The following CCNE1 variants were observed in gnomAD, a reference collection of about 807,000 sequenced individuals.
The protein encoded by CCNE1 is cyclin E1, also known as G1/S-specific cyclin-E1.
CCNE1 carries 8 observed loss-of-function variants against 54.1 expected under a neutral mutation model. The ratio of observed to expected loss-of-function variants is 0.15; its 90% confidence interval spans 0.09 to 0.27. The LOEUF is 0.27. Ranked by LOEUF, CCNE1 falls within the 10% of genes least tolerant of loss-of-function variation. CCNE1 has a pLI of 1.00. For synonymous variants in CCNE1, 179 were observed against 185.2 expected, an observed-to-expected ratio of 0.97 and a Z score of 0.27; for missense variants, 430 against 514.9, an observed-to-expected ratio of 0.84 and a Z score of 1.60.
chr19:29,824,031 A>T lies in CCNE1; in HGVS notation c.*254A>T, dbSNP rs773867144. The T allele has an allele frequency of 2.6e-6, 1 of 381,638 alleles. No individual in the cohort carries two copies. The allele number at this position is 381,638 out of a possible 1,614,324, so 23.6% of individuals were successfully genotyped here. A position where few individuals can be genotyped will look rare whatever the true frequency, so the allele number is the denominator to read the frequency against. The stretch of plus-strand genomic sequence containing the variant: ...ACCAGTGCGTGCTCCCGATGCTGCT[A>T]TGGAAGGTGCTACTTGACCTAAGGG... On this transcript the variant is annotated 3_prime_UTR_variant, in exon 12 of 12. Coordinates refer to ENST00000262643, the MANE Select transcript of CCNE1 (RefSeq NM_001238.4).
At position 29,817,564 on chromosome 19, in the gene CCNE1, G is replaced by T. The variant is rs199616825; in HGVS notation, c.462+23G>T. 10 of 1,613,830 alleles carry T rather than the reference G, an allele frequency of 6.2e-6. No individual in the cohort carries two copies. In the Admixed American group the frequency reaches 1.7e-4, roughly 27 times the overall value. On this transcript the variant is annotated intron_variant, in intron 6 of 11. Coordinates refer to ENST00000262643, the MANE Select transcript of CCNE1 (RefSeq NM_001238.4). Reference sequence around the variant, plus strand: ...GAGGTGAGCTTGAGTCTTCCTGTTCGCTTCATGAAAGCACTGAGCATTTCC... The same window carrying T: ...GAGGTGAGCTTGAGTCTTCCTGTTCTCTTCATGAAAGCACTGAGCATTTCC...
Position 29,824,059 on chromosome 19 carries a change from T to A in CCNE1, c.*282T>A, listed in dbSNP as rs1974221631. On this transcript the variant is annotated 3_prime_UTR_variant, in exon 12 of 12. Transcript: ENST00000262643. The stretch of plus-strand genomic sequence containing the variant: ...GAAGGTGCTACTTGACCTAAGGGAC[T>A]CCCACAACAACAAAAGCTTGAAGCT... The A allele has an allele frequency of 3.1e-6, 1 of 322,314 alleles. No homozygotes were observed. The highest frequency in any genetic ancestry group is 2.1e-5 in the African/African-American group (1 of 47,620). The allele number at this position is 322,314 out of a possible 1,614,324, so 20.0% of individuals were successfully genotyped here.
At chr19:29,821,279 C>T (rs941065843) in intron 7 of CCNE1, among the ~76,000 whole-genome samples, 5 of 152,054 alleles carry the variant, frequency 3.3e-5, no homozygotes, top group Admixed American at 6.6e-5. Context: ...CCCAGCTATT[C>T]GGGAGGCTGA....
rs145715434 is a variant in CCNE1 at position 29,815,294 on chromosome 19, T to G, written c.181-1843T>G. Among the ~76,000 whole-genome samples the G allele has an allele frequency of 1.4e-3, 209 of 152,350 alleles. 1 individual carries two copies. In the East Asian group the frequency reaches 0.026, roughly 19 times the overall value. Reference sequence around the variant, plus strand: ...TGAATGAAGAACAACTTACAGCGGTTGTAATGTGACCCTTTTTGAGTTAAG... The same window carrying G: ...TGAATGAAGAACAACTTACAGCGGTGGTAATGTGACCCTTTTTGAGTTAAG... On this transcript the variant is annotated intron_variant, in intron 4 of 11. Transcript: ENST00000262643.
At chr19:29,817,632 G>T (rs1372034289) in intron 6 of CCNE1, 91 bp downstream of exon 6, 2 of 1,347,286 alleles carry the variant, frequency 1.5e-6, no homozygotes, top group East Asian at 4.6e-5. Context: ...TTATTCCCTC[G>T]ACATGTTCTC....
chr19:29,815,383 C>T (rs1245736593), intron 4 of CCNE1, among the ~76,000 whole-genome samples: 1 of 152,190 alleles, frequency 6.6e-6, no homozygotes, highest in African/African-American at 2.4e-5. Context: ...CAGCTGTTGG[C>T]AGGAGCTGTC....
rs2145728862 is a variant in CCNE1, at chr19:29,822,097, G to A, written c.807G>A (p.Gln269=). ...ACTTACATGAAGTGCTACTGCCGCA[G>A]TATCCCCAGCAAATCTTTATACAGA... The part of the protein sequence containing the change: ...LNDLHEVLLP[Q]YPQQIFIQIA... The change falls in exon 9 of 12, where the codon CAG becomes CAA. Residue 269 remains glutamine, a synonymous_variant. Transcript: ENST00000262643. 1.9e-6 allele frequency: 3 copies of A among 1,614,006 alleles called. No homozygotes were observed. Among genetic ancestry groups the A allele is most frequent in the Non-Finnish European group, 1.7e-6 (2 of 1,180,016 alleles).
intron 7 of CCNE1, 70 bp downstream of exon 7, chr19:29,820,918 AGG>A: frequency 7.8e-7 from 1 of 1,274,012 alleles, no homozygotes; most frequent in Non-Finnish European, 1.1e-6. Context: ...TTGGGGGAAG[AGG>A]TTGGCGCTTA....
chr19:29,816,192 A>G (rs1441660757), intron 4 of CCNE1, among the ~76,000 whole-genome samples: 1 of 151,312 alleles, frequency 6.6e-6, no homozygotes. Context: ...TCAGACTTTC[A>G]TATGGCTTCC....
chr19:29,820,893 C>A (rs1033979023), intron 7 of CCNE1, 45 bp downstream of exon 7: 1 of 1,460,220 alleles, frequency 6.8e-7, no homozygotes, highest in Non-Finnish European at 9.5e-7. Context: ...TGTTATTTCT[C>A]GAGCTCCACT....
intron 8 of CCNE1, 75 bp from the exon 9 acceptor site, chr19:29,821,921 T>C: frequency 5.2e-6 from 8 of 1,531,994 alleles, no homozygotes; most frequent in Non-Finnish European, 7.2e-6. Context: ...CTGGACACAT[T>C]GTGGCATGGA....
chr19:29,814,883 C>A (rs1003737037), intron 4 of CCNE1, among the ~76,000 whole-genome samples: 2 of 152,176 alleles, frequency 1.3e-5, no homozygotes, highest in Non-Finnish European at 2.9e-5. Context: ...TTGCACAAGA[C>A]TCAATCTTTC....
chr19:29,820,670 C>A, intron 6 of CCNE1, 32 bp from the exon 7 acceptor site: 1 of 1,516,722 alleles, frequency 6.6e-7, no homozygotes, highest in Non-Finnish European at 9.0e-7. Flanking sequence ...GTAAAACTTA[C>A]TTGTGCTAAA....
In CCNE1 at chr19:29,823,984, A is replaced by G. The variant is rs2145733011; in HGVS notation, c.*207A>G. 1 of 474,586 alleles carries G rather than the reference A, an allele frequency of 2.1e-6. No homozygotes were observed. The highest frequency in any genetic ancestry group is 3.4e-5 in the East Asian group (1 of 29,266). 29.4% of individuals were successfully genotyped at this position (474,586 alleles called of 1,614,324 possible). ...AGGTTTTTTTTAAATAAGTGGGTCA[A>G]GTACACCAGCCACCTCCAGACACCA... On this transcript the variant is annotated 3_prime_UTR_variant, in exon 12 of 12. Coordinates refer to ENST00000262643, the MANE Select transcript of CCNE1 (RefSeq NM_001238.4).
At chr19:29,821,410 A>C (rs1974142163) in intron 7 of CCNE1, among the ~76,000 whole-genome samples, 1 of 152,126 alleles carries the variant, frequency 6.6e-6, no homozygotes, top group Non-Finnish European at 1.5e-5. Context: ...AAGATTAAAA[A>C]TTTGTGTATG....
chr19:29,819,208 C>T (rs561496737), intron 6 of CCNE1, among the ~76,000 whole-genome samples: 2 of 152,036 alleles, frequency 1.3e-5, no homozygotes, highest in Non-Finnish European at 2.9e-5. Flanking sequence ...AGCGCCACTG[C>T]ACTCCAGCCT....
Position 29,822,311 on chromosome 19 carries a change from G to T in CCNE1, c.912G>T (p.Leu304Phe). 6.2e-7 allele frequency: 1 copy of T among 1,614,164 alleles called. No homozygotes were observed. Among genetic ancestry groups the T allele is most frequent in the Non-Finnish European group, 8.5e-7 (1 of 1,180,018 alleles). ...FPYGILAASALYHFSSSELMQ... is the reference protein window; with the variant it reads ...FPYGILAASAFYHFSSSELMQ... The stretch of plus-strand genomic sequence containing the variant: ...ATGGTATACTTGCTGCTTCGGCCTT[G>T]TATCATTTCTCGTCATCTGAATTGA... Residue 304 changes from leucine to phenylalanine, a missense_variant, in exon 10 of 12, where the codon TTG (leucine) becomes TTT (phenylalanine). By Grantham distance (22) the Leu-to-Phe change is conservative. This residue lies in a region of CCNE1 where 303 missense variants were observed against 401.1 expected (regional missense o/e 0.76). Transcript: ENST00000262643.
rs546106493 is a variant in CCNE1, at chr19:29,823,774, G to A, written c.1230G>A (p.Ala410=). The change falls in exon 12 of 12, where the codon GCG becomes GCA. Residue 410 remains alanine, a synonymous_variant. Transcript: ENST00000262643. ...GKKQSSGPEM[A] ...AGCAGAGCAGCGGGCCGGAAATGGC[G>A]TGACCACCCCATCCTTCTCCACCAA... is the stretch of plus-strand genomic sequence containing the variant. 1.4e-5 allele frequency: 23 copies of A among 1,611,186 alleles called. No homozygotes were observed. The highest frequency in any genetic ancestry group is 1.7e-4 in the Middle Eastern group (1 of 6,000).
intron 4 of CCNE1, among the ~76,000 whole-genome samples, chr19:29,814,421 G>A (rs1599596413): frequency 6.6e-6 from 1 of 152,170 alleles, no homozygotes; most frequent in Non-Finnish European, 1.5e-5. Context: ...CTCCTGGGAC[G>A]GATTGTGGCT....
Sources: allele counts gnomAD v4.1 joint callset (sites outside exome capture counted in the v4.1 genomes callset), GRCh38; gene constraint gnomAD v4.1.1; regional missense constraint gnomAD v4.1.1; transcripts MANE v1.5; gene names NCBI Gene and HGNC (gene_info 2026-07-23, HGNC 2026-07-21).